The following ABCB1 variants were observed in gnomAD, a reference collection of about 807,000 sequenced individuals.
ABCB1 encodes the protein ATP-dependent translocase ABCB1.
Under a neutral mutation model 142.0 loss-of-function variants are expected in ABCB1, and 69 were observed. The observed-to-expected ratio is 0.49, with a 90% CI of 0.40 to 0.59. ABCB1 has a LOEUF of 0.59. Ranked by LOEUF, ABCB1 falls within the 20% of genes least tolerant of loss-of-function variation. The pLI, the probability that ABCB1 is intolerant of heterozygous loss-of-function variation, is 0.00. For missense variants in ABCB1, 1,326 were observed against 1,554.7 expected (o/e 0.85, Z 2.47); for synonymous variants, 532 against 539.2 (o/e 0.99, Z 0.18).
chr7:87,531,702 A>G (rs554170491), intron 20 of ABCB1: 128 of 565,926 alleles, frequency 2.3e-4, no homozygotes, highest in African/African-American at 2.2e-3. Context: ...AATATCAACA[A>G]TCTAGAGTTC....
chr7:87,709,653 C>G, intron 1 of ABCB1: 1 of 302,322 alleles, frequency 3.3e-6, no homozygotes, highest in Non-Finnish European at 4.9e-6. Context: ...GGTGAATTCA[C>G]TAGACTTGCA....
rs1922242 is a variant in ABCB1, at chr7:87,544,351, A to T, written c.2065-76T>A. 594,774 of 1,441,452 alleles carry T rather than the reference A, an allele frequency of 0.41. 124,490 individuals are homozygous for T. Among genetic ancestry groups the T allele is most frequent in the African/African-American group, 0.45 (32,044 of 71,122 alleles). The allele number at this position is 1,441,452 out of a possible 1,614,324, so 89.3% of individuals were successfully genotyped here. A position where few individuals can be genotyped will look rare whatever the true frequency, so the allele number is the denominator to read the frequency against. On this transcript the variant is annotated intron_variant, in intron 16 of 27. Coordinates refer to ENST00000622132, the MANE Select transcript of ABCB1 (RefSeq NM_001348946.2). ...CAATTCTTACATACGCACAAAAATTAGTAAAGGAATATATCCTATCCTTAT... is the reference window on the plus strand; with the variant it reads ...CAATTCTTACATACGCACAAAAATTTGTAAAGGAATATATCCTATCCTTAT...
At chr7:87,628,853 C>G (rs201345739) in intron 1 of ABCB1, 2 of 1,272,130 alleles carry the variant, frequency 1.6e-6, no homozygotes, top group African/African-American at 1.5e-5. Flanking sequence ...GGGGCCTGAG[C>G]GGGATCCGCG....
rs1051417433 is a variant in ABCB1, at chr7:87,586,395, C to T, written c.118-715G>A. Among the ~76,000 whole-genome samples, 4 of 152,222 alleles carry T rather than the reference C, an allele frequency of 2.6e-5. No homozygotes were observed. In the East Asian group the frequency reaches 7.7e-4, roughly 29 times the overall value. On this transcript the variant is annotated intron_variant, in intron 3 of 27. Coordinates refer to ENST00000622132, the MANE Select transcript of ABCB1 (RefSeq NM_001348946.2). The stretch of plus-strand genomic sequence containing the variant: ...ACAGTTAAGAGGAATGGGCTCAGGG[C>T]CCCCTTGGGAAGTGATTAATACTGC...
chr7:87,683,571 C>T (rs1056770605), intron 1 of ABCB1, among the ~76,000 whole-genome samples: 15 of 152,080 alleles, frequency 9.9e-5, no homozygotes, highest in African/African-American at 3.1e-4. Flanking sequence ...GGGAAATGGC[C>T]GGTAGCTGGA....
chr7:87,678,942 A>C (rs973111675), intron 1 of ABCB1, among the ~76,000 whole-genome samples: 1 of 152,202 alleles, frequency 6.6e-6, no homozygotes, highest in African/African-American at 2.4e-5. Context: ...AACAGAACTG[A>C]GAGGAGAAAA....
chr7:87,567,106 T>A, intron 5 of ABCB1, 130 bp from the exon 6 acceptor site: 1 of 828,582 alleles, frequency 1.2e-6, no homozygotes, highest in Non-Finnish European at 2.0e-6. Flanking sequence ...AAGAAGGGGT[T>A]GTAACAAGCA....
intron 1 of ABCB1, among the ~76,000 whole-genome samples, chr7:87,610,339 G>A (rs1423533442): frequency 7.4e-5 from 10 of 135,490 alleles, no homozygotes; most frequent in Non-Finnish European, 1.5e-4. Context: ...TTGAGCTTAA[G>A]TGATCCTCCC....
intron 14 of ABCB1, among the ~76,000 whole-genome samples, chr7:87,546,431 A>C (rs903078671): frequency 3.3e-5 from 5 of 152,100 alleles, no homozygotes; most frequent in African/African-American, 1.2e-4. Context: ...TACTAAAAAT[A>C]CAAAAAATTA....
In ABCB1 at chr7:87,516,527, G is replaced by T. The variant is rs1158715642; in HGVS notation, c.3066C>A (p.Ser1022Arg). The change falls in exon 24 of 28, where the codon AGC becomes AGA. Residue 1022 changes from serine (S) to arginine (R), a missense_variant. Coordinates refer to ENST00000622132, the MANE Select transcript of ABCB1 (RefSeq NM_001348946.2). ...AACTCACCGGCATTAGGCCTTCCGT[G>T]CTGTAGCTGTCAATCAAAGGGGTTT... is the stretch of plus-strand genomic sequence containing the variant. Reference protein sequence around the residue: ...IEKTPLIDSYSTEGLMPNTLE... With the variant: ...IEKTPLIDSYRTEGLMPNTLE... 1.9e-6 allele frequency: 3 copies of T among 1,614,184 alleles called. No homozygotes were observed. The South Asian group carries it at 3.3e-5, about 18-fold the overall frequency.
chr7:87,711,136 G>A (rs1830042572), intron 1 of ABCB1, among the ~76,000 whole-genome samples: 1 of 152,006 alleles, frequency 6.6e-6, no homozygotes, highest in African/African-American at 2.4e-5. Flanking sequence ...AGACCAGCCT[G>A]ACCAACATGG....
intron 1 of ABCB1, among the ~76,000 whole-genome samples, chr7:87,616,343 G>C (rs1820031629): frequency 6.6e-6 from 1 of 152,194 alleles, no homozygotes; most frequent in Non-Finnish European, 1.5e-5. Flanking sequence ...AGACTATAAA[G>C]CGTTTGTTAT....
rs1013765969 is a variant in ABCB1 at position 87,699,491 on chromosome 7, C to T, written c.-331+13670G>A. Reference sequence around the variant, plus strand: ...CAACCTCAGCTCACTGCAACCTTCACCTCTTGTGTTCAAGTGATCCTCCTG... The same window carrying T: ...CAACCTCAGCTCACTGCAACCTTCATCTCTTGTGTTCAAGTGATCCTCCTG... On this transcript the variant is annotated intron_variant, in intron 1 of 28. Transcript: ENST00000265724. Among the ~76,000 whole-genome samples, 5 of 152,226 alleles carry T rather than the reference C, an allele frequency of 3.3e-5. No homozygotes were observed. In the East Asian group the frequency reaches 9.6e-4, roughly 29 times the overall value.
chr7:87,555,703 G>A (rs1484348947), intron 8 of ABCB1, among the ~76,000 whole-genome samples: 3 of 151,984 alleles, frequency 2.0e-5, no homozygotes, highest in Non-Finnish European at 2.9e-5. Flanking sequence ...TTTGAGAAAC[G>A]TTTCAATTAT....
intron 5 of ABCB1, among the ~76,000 whole-genome samples, chr7:87,569,963 C>A (rs1201637433): frequency 1.3e-5 from 2 of 152,138 alleles, no homozygotes; most frequent in African/African-American, 4.8e-5. Context: ...TTGATCAATG[C>A]ATATATGTCC....
rs1820467227 is a variant in ABCB1, at chr7:87,626,150, T to TGTCATATATATGTGTCATATATA, written c.-330-25095_-330-25073dup. On this transcript the variant is annotated intron_variant, in intron 1 of 28. Transcript: ENST00000265724. Reference sequence around the variant, plus strand: ...TGTCATATATATGTGTCATATATATTGTCATATATATGTGTCATATATATT... The same window carrying TGTCATATATATGTGTCATATATA: ...TGTCATATATATGTGTCATATATATTGTCATATATATGTGTCATATATAGTCATATATATGTGTCATATATATT... Among the ~76,000 whole-genome samples, 2 of 119,250 alleles carry TGTCATATATATGTGTCATATATA rather than the reference T, an allele frequency of 1.7e-5. 1 individual carries two copies. The highest frequency in any genetic ancestry group is 6.5e-4 in the East Asian group (2 of 3,064). The allele number at this position is 119,250 out of a possible 152,430, so 78.2% of individuals were successfully genotyped here. A position where few individuals can be genotyped will look rare whatever the true frequency, so the allele number is the denominator to read the frequency against.
intron 1 of ABCB1, among the ~76,000 whole-genome samples, chr7:87,680,154 G>A (rs1481292645): frequency 6.7e-6 from 1 of 150,200 alleles, no homozygotes; most frequent in Non-Finnish European, 1.5e-5. Context: ...GTAATAGTTT[G>A]CTGAGAGTGA....
chr7:87,542,916 G>C (rs1816603672), intron 17 of ABCB1, among the ~76,000 whole-genome samples: 1 of 152,162 alleles, frequency 6.6e-6, no homozygotes, highest in Non-Finnish European at 1.5e-5. Context: ...AATAGAAAAA[G>C]TTTGCTGACT....
In ABCB1 at chr7:87,503,930, T is replaced by C; in HGVS notation, c.*313A>G. On this transcript the variant is annotated 3_prime_UTR_variant, in exon 28 of 28. Coordinates refer to ENST00000622132, the MANE Select transcript of ABCB1 (RefSeq NM_001348946.2). Reference sequence around the variant, plus strand: ...ATTTCAATACTTTTTGCTACTTCTATAATCTTTTAGCAAGGCAGTCAGTTA... The same window carrying C: ...ATTTCAATACTTTTTGCTACTTCTACAATCTTTTAGCAAGGCAGTCAGTTA... 1 of 395,462 alleles carries C rather than the reference T, an allele frequency of 2.5e-6. No individual in the cohort carries two copies. The allele number at this position is 395,462 out of a possible 1,614,324, so 24.5% of individuals were successfully genotyped here.
Sources: allele counts gnomAD v4.1 joint callset (sites outside exome capture counted in the v4.1 genomes callset), GRCh38; gene constraint gnomAD v4.1.1; transcripts MANE v1.5; gene names NCBI Gene and HGNC (gene_info 2026-07-23, HGNC 2026-07-21).